VEZT: variants seen among roughly 807,000 people sequenced by gnomAD.
VEZT encodes vezatin.
In VEZT, 39 loss-of-function variants were observed where a neutral mutation model predicts 79.9. The ratio of observed to expected loss-of-function variants is 0.49; its 90% CI spans 0.38 to 0.64. The LOEUF (loss-of-function observed/expected upper bound fraction) is 0.64, where lower values mean the gene tolerates loss of function less well. Ranked by LOEUF, VEZT falls within the 30% of genes least tolerant of loss-of-function variation. The pLI, the probability that VEZT is intolerant of heterozygous loss-of-function variation, is 0.00. For missense variants in VEZT, 837 were observed against 893.1 expected, an observed-to-expected ratio of 0.94 and a Z score of 0.80; for synonymous variants, 325 against 327.6, an observed-to-expected ratio of 0.99 and a Z score of 0.09.
chr12:95,221,514 A>G (rs1203294859), intron 1 of VEZT, among the ~76,000 whole-genome samples: 1 of 151,646 alleles, frequency 6.6e-6, no homozygotes, highest in East Asian at 1.9e-4. Flanking sequence ...GCTCTGGGTG[A>G]CAGAGTAAGA....
At chr12:95,272,100 GT>G (rs778980268) in intron 6 of VEZT, among the ~76,000 whole-genome samples, 1 of 152,110 alleles carries the variant, frequency 6.6e-6, no homozygotes, top group Non-Finnish European at 1.5e-5. Context: ...AGCCCAAAAG[GT>G]CAAGGCGCAG....
chr12:95,222,101 CAT>C, intron 1 of VEZT, among the ~76,000 whole-genome samples: 1 of 152,318 alleles, frequency 6.6e-6, no homozygotes, highest in East Asian at 1.9e-4. Context: ...GTATATACCT[CAT>C]ATATCTTACC....
intron 11 of VEZT, chr12:95,299,938 A>G: frequency 3.1e-6 from 1 of 320,056 alleles, no homozygotes; most frequent in Non-Finnish European, 5.6e-6. Flanking sequence ...GTGAGGTGTC[A>G]TAAAAACCTT....
intron 1 of VEZT, among the ~76,000 whole-genome samples, chr12:95,232,766 T>C (rs77630535): frequency 1.3e-5 from 2 of 152,080 alleles, no homozygotes; most frequent in Non-Finnish European, 2.9e-5. Flanking sequence ...GAGCATTAGT[T>C]TTTGGGTTGG....
chr12:95,294,434 T>TTACAACATAA, intron 10 of VEZT, 62 bp downstream of exon 10: 1 of 1,285,502 alleles, frequency 7.8e-7, no homozygotes, highest in Admixed American at 2.0e-5. Context: ...AGCTTCAAAA[T>TTACAACATAA]TACAACATAA....
intron 1 of VEZT, among the ~76,000 whole-genome samples, chr12:95,219,740 G>A (rs982319780): frequency 1.1e-4 from 17 of 152,126 alleles, no homozygotes; most frequent in Non-Finnish European, 2.1e-4. Flanking sequence ...TACCAATTCC[G>A]GTTTCCATTA....
intron 1 of VEZT, among the ~76,000 whole-genome samples, chr12:95,225,307 C>A (rs1223495823): frequency 3.3e-5 from 5 of 152,148 alleles, no homozygotes; most frequent in Non-Finnish European, 5.9e-5. Context: ...AAGCCATCAC[C>A]ACTTTGGGAG....
At chr12:95,226,153 G>A (rs1309433696) in intron 1 of VEZT, among the ~76,000 whole-genome samples, 3 of 151,358 alleles carry the variant, frequency 2.0e-5, no homozygotes, top group Non-Finnish European at 4.4e-5. Flanking sequence ...GCAAAAAGTG[G>A]ACTTCTGCTC....
intron 8 of VEZT, among the ~76,000 whole-genome samples, chr12:95,283,005 T>C (rs1157740539): frequency 6.6e-6 from 1 of 152,162 alleles, no homozygotes; most frequent in Non-Finnish European, 1.5e-5. Context: ...TGCAGTCCAA[T>C]AGAAATATCT....
At chr12:95,252,331 C>T (rs912678693) in intron 2 of VEZT, 11 of 262,616 alleles carry the variant, frequency 4.2e-5, no homozygotes, top group Non-Finnish European at 7.7e-5. Flanking sequence ...GCTATCCAAA[C>T]AGAATCGAAA....
Position 95,301,573 on chromosome 12 carries a change from A to G in VEZT, c.*900A>G, listed in dbSNP as rs1397832322. 2.6e-5 allele frequency: 4 copies of G among 152,172 alleles called. No homozygotes were observed. The allele number at this position is 152,172 out of a possible 1,614,324, so 9.4% of individuals were successfully genotyped here. ...AGCATCCTTGTCTCCTTAGTATTTC[A>G]TTTACAAACTACCTCTTAACAGAGA... On this transcript the variant is annotated 3_prime_UTR_variant, in exon 12 of 12. Coordinates refer to ENST00000436874, the MANE Select transcript of VEZT (RefSeq NM_017599.4).
intron 9 of VEZT, among the ~76,000 whole-genome samples, chr12:95,292,393 G>T (rs1488746882): frequency 6.6e-6 from 1 of 152,042 alleles, no homozygotes; most frequent in East Asian, 1.9e-4. Flanking sequence ...TCGATATATG[G>T]TGTCACCATT....
chr12:95,281,722 T>A (rs1350787802), intron 7 of VEZT, among the ~76,000 whole-genome samples: 1 of 152,058 alleles, frequency 6.6e-6, no homozygotes, highest in Non-Finnish European at 1.5e-5. Context: ...AATTTTGTAT[T>A]TTTAGTAGAG....
rs2140036225 is a variant in VEZT, at chr12:95,302,246, T to C, written c.*1573T>C. 6.6e-6 allele frequency: 1 copy of C among 152,324 alleles called. No homozygotes were observed. Among genetic ancestry groups the C allele is most frequent in the African/African-American group, 2.4e-5 (1 of 41,594 alleles). The allele number at this position is 152,324 out of a possible 1,614,324, so 9.4% of individuals were successfully genotyped here. A position where few individuals can be genotyped will look rare whatever the true frequency, so the allele number is the denominator to read the frequency against. On this transcript the variant is annotated 3_prime_UTR_variant, in exon 12 of 12. Coordinates refer to ENST00000436874, the MANE Select transcript of VEZT (RefSeq NM_017599.4). ...GGTAATCTCTCTCAACCTATAACCT[T>C]ACACAGGAAGAATTAGAGTTTAATA...
At chr12:95,282,273 T>C in intron 7 of VEZT, 40 bp from the exon 8 acceptor site, 3 of 1,462,686 alleles carry the variant, frequency 2.1e-6, no homozygotes, top group Non-Finnish European at 2.7e-6. Context: ...CACTGACCAA[T>C]ATTTTTATTG....
At chr12:95,276,259 C>CTTTTTTTTT (rs35034660) in intron 7 of VEZT, among the ~76,000 whole-genome samples, 53 of 75,150 alleles carry the variant, frequency 7.1e-4, no homozygotes, top group East Asian at 8.5e-4. Flanking sequence ...TAATTTTTTT[C>CTTTTTTTTT]TTTTTTTTTT....
intron 1 of VEZT, among the ~76,000 whole-genome samples, chr12:95,236,912 A>G (rs1419726387): frequency 2.0e-5 from 3 of 152,186 alleles, no homozygotes; most frequent in Non-Finnish European, 4.4e-5. Context: ...CATGTGAACT[A>G]TAGCTCATCT....
intron 7 of VEZT, among the ~76,000 whole-genome samples, chr12:95,276,259 C>CTTTTTTTTTTTTTTTTTTTTTTTTTTTT (rs35034660): frequency 1.3e-5 from 1 of 75,156 alleles, no homozygotes; most frequent in Non-Finnish European, 2.4e-5. Flanking sequence ...TAATTTTTTT[C>CTTTTTTTTTTTTTTTTTTTTTTTTTTTT]TTTTTTTTTT....
intron 1 of VEZT, among the ~76,000 whole-genome samples, chr12:95,240,021 A>AAAGAAAGGAAGGAAGG (rs2060750154): frequency 1.2e-5 from 1 of 81,416 alleles, no homozygotes; most frequent in East Asian, 3.7e-4. Context: ...AGAGAGAAAG[A>AAAGAAAGGAAGGAAGG]AAGGAAGGAA....
Sources: allele counts gnomAD v4.1 joint callset (sites outside exome capture counted in the v4.1 genomes callset), GRCh38; gene constraint gnomAD v4.1.1; transcripts MANE v1.5; gene names NCBI Gene and HGNC (gene_info 2026-07-23, HGNC 2026-07-21).